Variants in ARHGEF26 observed in about 807,000 individuals in gnomAD.
ARHGEF26 encodes Rho guanine nucleotide exchange factor (GEF) 26.
Under a neutral mutation model 89.4 loss-of-function variants are expected in ARHGEF26, and 59 were observed. That is an observed-to-expected ratio of 0.66 (90% CI 0.54 to 0.82). The LOEUF (loss-of-function observed/expected upper bound fraction) is 0.82. Among genes scored for constraint, ARHGEF26 ranks in the 40% least tolerant of loss-of-function variants. The pLI is 0.00. For missense variants in ARHGEF26, 1,234 were observed against 1,085.6 expected (o/e 1.14, Z -1.92); for synonymous variants, 500 against 428.4 (o/e 1.17, Z -2.06).
chr3:154,242,534 T>C (rs1276018182), intron 12 of ARHGEF26, among the ~76,000 whole-genome samples: 1 of 152,206 alleles, frequency 6.6e-6, no homozygotes, highest in Non-Finnish European at 1.5e-5. Context: ...TTCTTCAGGA[T>C]GAGCAAAGAA....
intron 9 of ARHGEF26, among the ~76,000 whole-genome samples, chr3:154,210,065 G>A (rs1715270525): frequency 6.6e-6 from 1 of 152,144 alleles, no homozygotes; most frequent in African/African-American, 2.4e-5. Context: ...GACTACTGTT[G>A]ATGTTCCCTG....
intron 11 of ARHGEF26, among the ~76,000 whole-genome samples, chr3:154,228,042 G>A (rs923617061): frequency 6.6e-6 from 1 of 152,038 alleles, no homozygotes; most frequent in Non-Finnish European, 1.5e-5. Context: ...CTTCACAGAT[G>A]GTGTTGCTCT....
At chr3:154,125,672 T>C (rs1189455342) in intron 3 of ARHGEF26, among the ~76,000 whole-genome samples, 1 of 152,226 alleles carries the variant, frequency 6.6e-6, no homozygotes, top group Non-Finnish European at 1.5e-5. Context: ...TAGATTTTTT[T>C]TGAAGTCAGA....
intron 11 of ARHGEF26, among the ~76,000 whole-genome samples, chr3:154,238,350 A>G (rs1372211324): frequency 6.6e-6 from 1 of 152,218 alleles, no homozygotes; most frequent in Admixed American, 6.5e-5. Context: ...ACAGATTACT[A>G]TCCTAGGAAC....
At chr3:154,182,281 A>G (rs1192693429) in intron 6 of ARHGEF26, among the ~76,000 whole-genome samples, 5 of 152,164 alleles carry the variant, frequency 3.3e-5, no homozygotes, top group Non-Finnish European at 7.3e-5. Flanking sequence ...GTTCAGGGAA[A>G]GCTTCCTGGA....
At chr3:154,250,228 C>T (rs1170435245) in intron 12 of ARHGEF26, among the ~76,000 whole-genome samples, 2 of 152,128 alleles carry the variant, frequency 1.3e-5, no homozygotes, top group East Asian at 3.9e-4. Context: ...GGGGTTTCTC[C>T]ATGTTGGTCA....
intron 12 of ARHGEF26, among the ~76,000 whole-genome samples, chr3:154,243,074 A>T (rs925921648): frequency 1.3e-5 from 2 of 152,182 alleles, no homozygotes; most frequent in Non-Finnish European, 2.9e-5. Flanking sequence ...AAAGTGGTTT[A>T]AACCTCTTGG....
At chr3:154,149,310 G>C (rs368595937) in intron 4 of ARHGEF26, 79 bp from the exon 5 acceptor site, 2 of 1,079,966 alleles carry the variant, frequency 1.9e-6, no homozygotes, top group Non-Finnish European at 2.7e-6. Context: ...GAAGGGCATA[G>C]AGTTATGCCT....
intron 4 of ARHGEF26, among the ~76,000 whole-genome samples, chr3:154,136,306 A>C (rs1719002746): frequency 7.5e-6 from 1 of 133,222 alleles, no homozygotes; most frequent in African/African-American, 3.2e-5. Context: ...TAATTAAAAT[A>C]TTTTAACTAA....
chr3:154,173,863 T>G (rs1343370533), intron 6 of ARHGEF26, among the ~76,000 whole-genome samples: 3 of 151,882 alleles, frequency 2.0e-5, no homozygotes, highest in Non-Finnish European at 4.4e-5. Context: ...AAAACATAAA[T>G]TTGGAGAGTT....
At chr3:154,129,081 GT>G (rs1464011501) in intron 3 of ARHGEF26, among the ~76,000 whole-genome samples, 1 of 152,110 alleles carries the variant, frequency 6.6e-6, no homozygotes, top group Non-Finnish European at 1.5e-5. Flanking sequence ...GAATTTGACA[GT>G]TTTTTTAATT....
chr3:154,253,171 G>A lies in ARHGEF26; in HGVS notation c.2356G>A (p.Ala786Thr). 6.2e-7 allele frequency: 1 copy of A among 1,614,044 alleles called. No individual in the cohort carries two copies. The highest frequency in any genetic ancestry group is 8.5e-7 in the Non-Finnish European group (1 of 1,179,894). Residue 786 changes from alanine to threonine, a missense_variant, in exon 13 of 15, where the codon GCA becomes ACA. Coordinates refer to ENST00000465093, the MANE Select transcript of ARHGEF26 (RefSeq NM_015595.4). The part of the protein sequence containing the change: ...ALGHSSGKPP[A>T]DRTSLTQVEI... The stretch of plus-strand genomic sequence containing the variant: ...GGGACACAGCAGCGGGAAGCCGCCT[G>A]CAGACCGAACCTGTAAGTTCTCTCA...
At chr3:154,229,706 A>G (rs1214098842) in intron 11 of ARHGEF26, among the ~76,000 whole-genome samples, 2 of 152,276 alleles carry the variant, frequency 1.3e-5, no homozygotes, top group African/African-American at 4.8e-5. Flanking sequence ...TGCGACAACC[A>G]AAAATGTCTC....
At chr3:154,144,292 GACTTA>G (rs1306447438) in intron 4 of ARHGEF26, among the ~76,000 whole-genome samples, 2 of 152,162 alleles carry the variant, frequency 1.3e-5, no homozygotes, top group South Asian at 2.1e-4. Context: ...TAGGGTGAAT[GACTTA>G]ACTTTTCTGT....
chr3:154,167,689 A>G (rs978920314), intron 6 of ARHGEF26, among the ~76,000 whole-genome samples: 2 of 152,202 alleles, frequency 1.3e-5, no homozygotes, highest in Non-Finnish European at 2.9e-5. Flanking sequence ...AGCCTGGATT[A>G]TGTCACAGTG....
chr3:154,183,468 C>A (rs1012595510), intron 6 of ARHGEF26, among the ~76,000 whole-genome samples: 1 of 152,184 alleles, frequency 6.6e-6, no homozygotes, highest in East Asian at 1.9e-4. Flanking sequence ...TTATTTCATT[C>A]AAGTTTCATC....
intron 4 of ARHGEF26, among the ~76,000 whole-genome samples, chr3:154,130,896 G>GT (rs953858990): frequency 6.6e-5 from 10 of 152,156 alleles, no homozygotes; most frequent in African/African-American, 2.4e-4. Flanking sequence ...TGTTGGTGCT[G>GT]TATAGCCAGG....
rs1449529271 is a variant in ARHGEF26, at chr3:154,122,093, A to G, written c.101A>G (p.Lys34Arg). The G allele has an allele frequency of 1.2e-6, 2 of 1,611,710 alleles. No individual in the cohort carries two copies. The highest frequency in any genetic ancestry group is 1.7e-6 in the Non-Finnish European group (2 of 1,178,968). Residue 34 changes from lysine (K) to arginine (R), a missense_variant, in exon 2 of 15, where the codon AAG becomes AGG. By Grantham distance (26) the Lys-to-Arg change is conservative. Coordinates refer to ENST00000465093, the MANE Select transcript of ARHGEF26 (RefSeq NM_015595.4). ...PQPHQVLGRS[K>R]PRPQSYQSPN... ...CCCCACCAGGTTCTGGGCCGGAGCA[A>G]GCCGAGGCCCCAGTCCTACCAGAGC...
rs1559888314 is a variant in ARHGEF26 at position 154,191,275 on chromosome 3, TTG to T, written c.1641-12_1641-11del. On this transcript the variant is annotated splice_polypyrimidine_tract_variant and intron_variant, in intron 7 of 14. Coordinates refer to ENST00000465093, the MANE Select transcript of ARHGEF26 (RefSeq NM_015595.4). ...AAATATTTTGAAGTTTCTCTTTTCT[TTG>T]TTTTCCCTCAGAGCTACCAATCCAT... The T allele has an allele frequency of 6.3e-7, 1 of 1,590,568 alleles. No individual in the cohort carries two copies. The highest frequency in any genetic ancestry group is 1.2e-5 in the South Asian group (1 of 86,780).
Sources: allele counts gnomAD v4.1 joint callset (sites outside exome capture counted in the v4.1 genomes callset), GRCh38; gene constraint gnomAD v4.1.1; transcripts MANE v1.5; gene names NCBI Gene and HGNC (gene_info 2026-07-23, HGNC 2026-07-21).